The following TLL1 variants were observed in gnomAD, a reference collection of about 807,000 sequenced individuals.
The protein encoded by TLL1 is tolloid-like protein 1.
Under a neutral mutation model 128.2 loss-of-function variants are expected in TLL1, and 49 were observed. That is an observed-to-expected ratio of 0.38 (90% CI 0.30 to 0.48). TLL1 has a LOEUF of 0.48. Among genes scored for constraint, TLL1 ranks in the 20% least tolerant of loss-of-function variants. The pLI, the probability that TLL1 is intolerant of heterozygous loss-of-function variation, is 0.96. For synonymous variants in TLL1, 454 were observed against 418.8 expected (o/e 1.08, Z -1.03); for missense variants, 1,123 against 1,242.0 (o/e 0.90, Z 1.44).
chr4:166,099,535 T>C lies in TLL1; in HGVS notation c.2907+8T>C. On this transcript the variant is annotated splice_region_variant and intron_variant, in intron 20 of 20. Coordinates refer to ENST00000061240, the MANE Select transcript of TLL1 (RefSeq NM_012464.5). ...CGATTCTGTGGATCCGGGGTAAATA[T>C]ACCACCAACAGAATACCCTAGACAT... is the stretch of plus-strand genomic sequence containing the variant. The C allele has an allele frequency of 6.2e-7, 1 of 1,610,864 alleles. No homozygotes were observed. Among genetic ancestry groups the C allele is most frequent in the Non-Finnish European group, 8.5e-7 (1 of 1,179,072 alleles).
chr4:165,971,832 T>C (rs1173450291), intron 1 of TLL1, among the ~76,000 whole-genome samples: 2 of 152,232 alleles, frequency 1.3e-5, no homozygotes, highest in Non-Finnish European at 2.9e-5. Context: ...TGTCTCTTTT[T>C]GGAGGGGCTT....
At chr4:166,086,233 C>A (rs983288412) in intron 18 of TLL1, among the ~76,000 whole-genome samples, 2 of 151,974 alleles carry the variant, frequency 1.3e-5, no homozygotes, top group Non-Finnish European at 2.9e-5. Flanking sequence ...GAGAACTGAA[C>A]TATCAGAGTC....
At chr4:165,888,892 A>G (rs1372472289) in intron 1 of TLL1, among the ~76,000 whole-genome samples, 1 of 152,188 alleles carries the variant, frequency 6.6e-6, no homozygotes, top group East Asian at 1.9e-4. Flanking sequence ...TATGTCTTCT[A>G]TCCTTAAAGC....
chr4:165,964,794 G>T (rs1318800439), intron 1 of TLL1, among the ~76,000 whole-genome samples: 1 of 152,004 alleles, frequency 6.6e-6, no homozygotes, highest in Non-Finnish European at 1.5e-5. Context: ...ACAATTAGCT[G>T]GGCATGGTGG....
intron 12 of TLL1, chr4:166,044,514 CAA>C: frequency 2.6e-6 from 3 of 1,158,558 alleles, no homozygotes; most frequent in Non-Finnish European, 3.7e-6. Context: ...CTTTTGTTAC[CAA>C]AAAAATATAT....
At chr4:166,057,374 T>A (rs1264994832) in intron 14 of TLL1, 65 bp downstream of exon 14, 17 of 1,577,260 alleles carry the variant, frequency 1.1e-5, no homozygotes, top group Non-Finnish European at 1.5e-5. Flanking sequence ...ATTCTCATTC[T>A]CTGTCTGTCT....
At chr4:165,939,268 A>G (rs1388702834) in intron 1 of TLL1, among the ~76,000 whole-genome samples, 1 of 152,100 alleles carries the variant, frequency 6.6e-6, no homozygotes, top group East Asian at 1.9e-4. Context: ...TCTTGATTAT[A>G]TAAGCTGCCA....
chr4:166,099,274 C>A lies in TLL1; in HGVS notation c.2657-3C>A. The A allele has an allele frequency of 2.5e-6, 4 of 1,613,430 alleles. No individual in the cohort carries two copies. Among genetic ancestry groups the A allele is most frequent in the Non-Finnish European group, 2.5e-6 (3 of 1,179,582 alleles). On this transcript the variant is annotated splice_region_variant and splice_polypyrimidine_tract_variant and intron_variant, in intron 19 of 20. Coordinates refer to ENST00000061240, the MANE Select transcript of TLL1 (RefSeq NM_012464.5). Reference sequence around the variant, plus strand: ...ACTCATCTTATTTTTCTTTCCTGGGCAGAGTGTGGCGGACGATTGAAAGCA... The same window carrying A: ...ACTCATCTTATTTTTCTTTCCTGGGAAGAGTGTGGCGGACGATTGAAAGCA...
At chr4:165,900,632 G>A (rs915589791) in intron 1 of TLL1, among the ~76,000 whole-genome samples, 1 of 151,954 alleles carries the variant, frequency 6.6e-6, no homozygotes, top group Admixed American at 6.6e-5. Flanking sequence ...TTCCCTTTGC[G>A]GATAACCCGA....
At chr4:165,904,236 T>A (rs1579465561) in intron 1 of TLL1, among the ~76,000 whole-genome samples, 1 of 152,200 alleles carries the variant, frequency 6.6e-6, no homozygotes, top group East Asian at 1.9e-4. Context: ...CTCGGCCAAC[T>A]ACTTGCTCTG....
rs191828450 is a variant in TLL1, at chr4:165,945,409, A to T, written c.170-43972A>T. Among the ~76,000 whole-genome samples the T allele has an allele frequency of 2.0e-5, 3 of 152,256 alleles. No individual in the cohort carries two copies. In the East Asian group the frequency reaches 5.8e-4, roughly 29 times the overall value. ...AATGATACATATTGGAGCAATTTAT[A>T]TGTTGACAGAAGTTGTCTAGTAGAG... On this transcript the variant is annotated intron_variant, in intron 1 of 20. Transcript: ENST00000061240.
At chr4:165,964,844 G>T (rs1426059913) in intron 1 of TLL1, among the ~76,000 whole-genome samples, 1 of 152,068 alleles carries the variant, frequency 6.6e-6, no homozygotes, top group Admixed American at 6.6e-5. Context: ...GGCTGTGGTG[G>T]GAGGATTGCT....
chr4:166,076,382 ATTTTTTGT>A (rs1464222636), intron 17 of TLL1, among the ~76,000 whole-genome samples: 1 of 152,100 alleles, frequency 6.6e-6, no homozygotes, highest in Non-Finnish European at 1.5e-5. Context: ...CCAGGTTTTT[ATTTTTTGT>A]TTTGCAGACA....
chr4:166,078,177 C>T, intron 18 of TLL1, 147 bp downstream of exon 18: 2 of 1,265,492 alleles, frequency 1.6e-6, no homozygotes, highest in South Asian at 2.5e-5. Context: ...TTCCTACTTG[C>T]ACTAAAATCC....
At chr4:165,910,190 G>T (rs1732465636) in intron 1 of TLL1, among the ~76,000 whole-genome samples, 1 of 152,126 alleles carries the variant, frequency 6.6e-6, no homozygotes, top group Admixed American at 6.6e-5. Context: ...GTGTGTTTCT[G>T]AGAACATGAC....
intron 5 of TLL1, among the ~76,000 whole-genome samples, chr4:165,998,536 G>A (rs980245765): frequency 3.3e-5 from 5 of 152,100 alleles, no homozygotes; most frequent in Non-Finnish European, 7.3e-5. Context: ...GCTCATGCCT[G>A]TAATCCCAGC....
At chr4:165,958,250 G>A (rs1734908882) in intron 1 of TLL1, among the ~76,000 whole-genome samples, 1 of 142,468 alleles carries the variant, frequency 7.0e-6, no homozygotes, top group African/African-American at 2.8e-5. Context: ...TGGGTCAAAT[G>A]GTATTCCTAG....
rs189207351 is a variant in TLL1 at position 165,959,318 on chromosome 4, A to G, written c.170-30063A>G. Reference sequence around the variant, plus strand: ...TACCTTGGGCAGTATGGCCATTTTCACGATGTTGATTCTTCCTACCCATGA... The same window carrying G: ...TACCTTGGGCAGTATGGCCATTTTCGCGATGTTGATTCTTCCTACCCATGA... On this transcript the variant is annotated intron_variant, in intron 1 of 20. Coordinates refer to ENST00000061240, the MANE Select transcript of TLL1 (RefSeq NM_012464.5). Among the ~76,000 whole-genome samples the G allele has an allele frequency of 2.7e-3, 405 of 152,110 alleles. 6 individuals are homozygous for G. Among genetic ancestry groups the G allele is most frequent in the African/African-American group, 9.2e-3 (380 of 41,486 alleles).
At chr4:165,889,253 A>G (rs187421760) in intron 1 of TLL1, among the ~76,000 whole-genome samples, 217 of 152,310 alleles carry the variant, frequency 1.4e-3, no homozygotes, top group Non-Finnish European at 7.8e-4. Context: ...TTATCGTTAT[A>G]TATCAAATAT....
Sources: allele counts gnomAD v4.1 joint callset (sites outside exome capture counted in the v4.1 genomes callset), GRCh38; gene constraint gnomAD v4.1.1; transcripts MANE v1.5; gene names NCBI Gene and HGNC (gene_info 2026-07-23, HGNC 2026-07-21).